The following CA12 variants were observed in gnomAD, a reference collection of about 807,000 sequenced individuals.
The protein encoded by CA12 is carbonate dehydratase XII.
A neutral mutation model predicts 46.8 loss-of-function variants in CA12; 36 were observed. That is an observed-to-expected ratio of 0.77 (90% confidence interval 0.59 to 1.02). The LOEUF (loss-of-function observed/expected upper bound fraction) is 1.02, where lower values mean the gene tolerates loss of function less well. CA12 is among the 50% of genes least tolerant of loss of function. The pLI, the probability that CA12 is intolerant of heterozygous loss-of-function variation, is 0.00. For synonymous variants in CA12, 202 were observed against 187.0 expected (o/e 1.08, Z -0.65); for missense variants, 436 against 451.4 (o/e 0.97, Z 0.31).
rs769925007 is a variant in CA12, at chr15:63,374,767, G to A, written c.106+891C>T. Among the ~76,000 whole-genome samples, 10 of 152,070 alleles carry A rather than the reference G, an allele frequency of 6.6e-5. No homozygotes were observed. The highest frequency in any genetic ancestry group is 2.2e-4 in the African/African-American group (9 of 41,398). On this transcript the variant is annotated intron_variant, in intron 2 of 10. Coordinates refer to ENST00000178638, the MANE Select transcript of CA12 (RefSeq NM_001218.5). The surrounding 1 kb of genome is among the most constrained non-coding windows in gnomAD (Gnocchi z 4.4). ...AGTAATCAACTTCCCGCCTGTCCCC[G>A]CCCACAGCCATTGCATCCTGTGGCT...
intron 2 of CA12, among the ~76,000 whole-genome samples, chr15:63,365,486 G>T (rs1567053081): frequency 6.6e-6 from 1 of 152,232 alleles, no homozygotes; most frequent in Non-Finnish European, 1.5e-5. Flanking sequence ...GGCTTCAGTT[G>T]TAAACAGGGG....
chr15:63,381,761 G>A lies in CA12; in HGVS notation c.-41C>T. On this transcript the variant is annotated 5_prime_UTR_variant, in exon 1 of 11. Transcript: ENST00000178638. Reference sequence around the variant, plus strand: ...CGGGGCGGGCGCGGGCTGTGCCGGGGGCTCCCGGTGGCCGCTCGCTCTCCA... The same window carrying A: ...CGGGGCGGGCGCGGGCTGTGCCGGGAGCTCCCGGTGGCCGCTCGCTCTCCA... 1.4e-6 allele frequency: 2 copies of A among 1,381,894 alleles called. No homozygotes were observed. The highest frequency in any genetic ancestry group is 1.4e-5 in the South Asian group (1 of 69,514). The allele number at this position is 1,381,894 out of a possible 1,614,324, so 85.6% of individuals were successfully genotyped here.
intron 2 of CA12, among the ~76,000 whole-genome samples, chr15:63,357,826 C>T (rs1294473373): frequency 1.3e-5 from 2 of 152,190 alleles, no homozygotes; most frequent in African/African-American, 4.8e-5. Flanking sequence ...TCACCTCCCA[C>T]TCTCCCTGCT....
In CA12 at chr15:63,373,535, C is replaced by T. The variant is rs1179565973; in HGVS notation, c.106+2123G>A. On this transcript the variant is annotated intron_variant, in intron 2 of 10. Transcript: ENST00000178638. The surrounding 1 kb of genome is among the most constrained non-coding windows in gnomAD (Gnocchi z 4.9). Reference sequence around the variant, plus strand: ...CAGCAGAAGAGGTGGGGCAAGCTTCCTCTCTCTGGATAGACAGGTCTTGGG... The same window carrying T: ...CAGCAGAAGAGGTGGGGCAAGCTTCTTCTCTCTGGATAGACAGGTCTTGGG... Among the ~76,000 whole-genome samples the T allele has an allele frequency of 6.6e-6, 1 of 152,174 alleles. No homozygotes were observed. Among genetic ancestry groups the T allele is most frequent in the East Asian group, 1.9e-4 (1 of 5,190 alleles).
chr15:63,368,026 C>T lies in CA12; in HGVS notation c.106+7632G>A, dbSNP rs372084328. ...TGTGTCAGACCAGGTGCATAATGGC[C>T]GTTATTTTTATACCGTTTTGCCTCC... On this transcript the variant is annotated intron_variant, in intron 2 of 10. Transcript: ENST00000178638. Among the ~76,000 whole-genome samples the T allele has an allele frequency of 9.9e-4, 150 of 152,262 alleles. No individual in the cohort carries two copies. The South Asian group carries it at 0.029, about 30-fold the overall frequency.
At chr15:63,368,718 C>A (rs988717127) in intron 2 of CA12, among the ~76,000 whole-genome samples, 1 of 152,230 alleles carries the variant, frequency 6.6e-6, no homozygotes, top group Non-Finnish European at 1.5e-5. Flanking sequence ...CAGCCAGAGG[C>A]CTGAAAGGCC....
At chr15:63,369,312 G>A (rs1175338669) in intron 2 of CA12, among the ~76,000 whole-genome samples, 2 of 152,166 alleles carry the variant, frequency 1.3e-5, no homozygotes, top group East Asian at 3.8e-4. Flanking sequence ...GTGCTGTAGA[G>A]TTTACAAGGC....
chr15:63,364,332 G>GAAAAAA (rs34673043), intron 2 of CA12, among the ~76,000 whole-genome samples: 2,918 of 56,052 alleles, frequency 0.052, 721 homozygotes, highest in Non-Finnish European at 0.071. Flanking sequence ...CCCGTCACTA[G>GAAAAAA]AAAAAAAAAA....
chr15:63,378,263 C>CT lies in CA12; in HGVS notation c.86-2586dup, dbSNP rs1325073580. Among the ~76,000 whole-genome samples the CT allele has an allele frequency of 1.1e-4, 16 of 152,282 alleles. No homozygotes were observed. The East Asian group carries it at 1.9e-3, about 18-fold the overall frequency. ...ATTAGGCAGGCGTGGTGGCGGGTGCCTGTAATCCCAGCTGCTGGGGAGGCT... is the reference window on the plus strand; with the variant it reads ...ATTAGGCAGGCGTGGTGGCGGGTGCCTTGTAATCCCAGCTGCTGGGGAGGCT... On this transcript the variant is annotated intron_variant, in intron 1 of 10. Transcript: ENST00000178638. The surrounding 1 kb of genome is among the most constrained non-coding windows in gnomAD (Gnocchi z 4.8).
chr15:63,337,816 A>G (rs2039022710), intron 8 of CA12, among the ~76,000 whole-genome samples: 1 of 152,110 alleles, frequency 6.6e-6, no homozygotes, highest in African/African-American at 2.4e-5. Flanking sequence ...ACCTCAGGTG[A>G]TCCGCTTGCC....
chr15:63,381,011 CTGTGTGTGTGTG>C (rs66492957), intron 1 of CA12, among the ~76,000 whole-genome samples: 2 of 148,236 alleles, frequency 1.3e-5, no homozygotes, highest in South Asian at 2.1e-4. Context: ...CAGAAATATG[CTGTGTGTGTGTG>C]TGTGTGTGTG....
chr15:63,343,570 C>T (rs2152617126), intron 4 of CA12, among the ~76,000 whole-genome samples: 1 of 152,232 alleles, frequency 6.6e-6, no homozygotes, highest in East Asian at 1.9e-4. Flanking sequence ...TGTGAGCCAA[C>T]ATGCCCCACC....
rs992007182 is a variant in CA12, at chr15:63,326,343, T to A, written c.1007A>T (p.Asp336Val). 16 of 1,613,646 alleles carry A rather than the reference T, an allele frequency of 9.9e-6. No homozygotes were observed. The highest frequency in any genetic ancestry group is 4.0e-5 in the African/African-American group (3 of 74,888). Residue 336 changes from aspartate to valine, a missense_variant, in exon 11 of 11, where the codon GAT (aspartate) becomes GTT (valine). By Grantham distance (152) the Asp-to-Val change is radical. Transcript: ENST00000178638. The part of the protein sequence containing the change: ...LFRRKSIKKG[D>V]NKGVIYKPAT... ...TGGCTTGTAAATGACTCCCTTGTTA[T>A]CACCTTTTTTGATACTAGAACAGAA...
intron 8 of CA12, among the ~76,000 whole-genome samples, chr15:63,334,073 C>A (rs892093054): frequency 6.6e-6 from 1 of 152,002 alleles, no homozygotes; most frequent in African/African-American, 2.4e-5. Flanking sequence ...TAAGCCTGAG[C>A]CCCTGTGATG....
chr15:63,378,607 T>C lies in CA12; in HGVS notation c.86-2929A>G, dbSNP rs559972405. 3 of 151,016 alleles carry C rather than the reference T, an allele frequency of 2.0e-5. No homozygotes were observed. Among genetic ancestry groups the C allele is most frequent in the Non-Finnish European group, 4.4e-5 (3 of 67,664 alleles). The allele number at this position is 151,016 out of a possible 1,614,324, so 9.4% of individuals were successfully genotyped here. On this transcript the variant is annotated intron_variant, in intron 1 of 10. Coordinates refer to ENST00000178638, the MANE Select transcript of CA12 (RefSeq NM_001218.5). The surrounding 1 kb of genome is among the most constrained non-coding windows in gnomAD (Gnocchi z 4.8). ...GCTCACCCCTTTGCTGAAACAACAA[T>C]GAAAAAAAATAAAGAAAGCATTGCT...
Position 63,378,565 on chromosome 15 carries a change from T to C in CA12, c.86-2887A>G, listed in dbSNP as rs1341560040. Among the ~76,000 whole-genome samples, 2 of 152,148 alleles carry C rather than the reference T, an allele frequency of 1.3e-5. No individual in the cohort carries two copies. Among genetic ancestry groups the C allele is most frequent in the Non-Finnish European group, 1.5e-5 (1 of 68,030 alleles). On this transcript the variant is annotated intron_variant, in intron 1 of 10. Transcript: ENST00000178638. This position sits in a 1 kb window ranked among gnomAD's most constrained non-coding sequence, Gnocchi z 4.8. ...ACCACGGGGAAACCAAACTTGTATG[T>C]GACCCCCAAGTTTACTGCTCACCCC...
Position 63,355,230 on chromosome 15 carries a change from C to T in CA12, c.107-8521G>A, listed in dbSNP as rs2039279889. Among the ~76,000 whole-genome samples, 1 of 152,340 alleles carries T rather than the reference C, an allele frequency of 6.6e-6. No individual in the cohort carries two copies. Among genetic ancestry groups the T allele is most frequent in the East Asian group, 1.9e-4 (1 of 5,188 alleles). Reference sequence around the variant, plus strand: ...CCTGCAGACACACCAAGCTGCTTCACATCTCCCTGAAACACCCTCCCCTCG... The same window carrying T: ...CCTGCAGACACACCAAGCTGCTTCATATCTCCCTGAAACACCCTCCCCTCG... On this transcript the variant is annotated intron_variant, in intron 2 of 10. Transcript: ENST00000178638. This position sits in a 1 kb window ranked among gnomAD's most constrained non-coding sequence, Gnocchi z 4.1.
chr15:63,343,384 C>CGG (rs1458508789), intron 4 of CA12, among the ~76,000 whole-genome samples: 1 of 148,018 alleles, frequency 6.8e-6, no homozygotes, highest in East Asian at 2.0e-4. Flanking sequence ...CAGGTTCAAG[C>CGG]GATTCCCCTG....
rs1338576397 is a variant in CA12, at chr15:63,322,894, A to T, written c.*3391T>A. The stretch of plus-strand genomic sequence containing the variant: ...CACTGGAGCCAAAGTACCCTTGAAC[A>T]GTTCACCTCTCTCAGGCTTAGGGTG... On this transcript the variant is annotated 3_prime_UTR_variant, in exon 11 of 11. Transcript: ENST00000178638. The surrounding 1 kb of genome is among the most constrained non-coding windows in gnomAD (Gnocchi z 4.1). 1 of 152,282 alleles carries T rather than the reference A, an allele frequency of 6.6e-6. No individual in the cohort carries two copies. The highest frequency in any genetic ancestry group is 2.4e-5 in the African/African-American group (1 of 41,462). The allele number at this position is 152,282 out of a possible 1,614,324, so 9.4% of individuals were successfully genotyped here. A position where few individuals can be genotyped will look rare whatever the true frequency, so the allele number is the denominator to read the frequency against.
Sources: gnomAD v4.1 joint callset for allele counts (sites outside exome capture counted in the v4.1 genomes callset) on GRCh38, gnomAD v4.1.1 for gene constraint, Gnocchi (gnomAD v3.1) non-coding constraint, MANE v1.5 for transcripts, NCBI Gene and HGNC (gene_info 2026-07-23, HGNC 2026-07-21) for gene names.